Variants in NINJ2 observed in about 807,000 individuals in gnomAD.
The protein encoded by NINJ2 is ninjurin 2, also known as ninjurin-2.
NINJ2 carries 12 observed loss-of-function variants against 11.7 expected under a neutral mutation model. That is an observed-to-expected ratio of 1.02 (90% CI 0.66 to 1.66). The LOEUF (loss-of-function observed/expected upper bound fraction) is 1.66, where lower values mean the gene tolerates loss of function less well. NINJ2 is among the 40% of genes most tolerant of loss of function. The pLI is 0.00. For synonymous variants in NINJ2, 93 were observed against 76.8 expected, an observed-to-expected ratio of 1.21 and a Z score of -1.10; for missense variants, 187 against 181.8, an observed-to-expected ratio of 1.03 and a Z score of -0.16.
intron 1 of NINJ2, among the ~76,000 whole-genome samples, chr12:566,825 A>G (rs747511833): frequency 6.6e-6 from 1 of 152,240 alleles, no homozygotes; most frequent in Non-Finnish European, 1.5e-5. Flanking sequence ...CATCATTTTA[A>G]TTATTACTTT....
chr12:598,421 C>T (rs1204807026), intron 1 of NINJ2, among the ~76,000 whole-genome samples: 2 of 152,176 alleles, frequency 1.3e-5, no homozygotes, highest in African/African-American at 2.4e-5. Context: ...GAGGGCTGCC[C>T]GAGCTTGCCC....
At chr12:610,364 G>GA (rs775947316) in intron 1 of NINJ2, 2 of 1,535,516 alleles carry the variant, frequency 1.3e-6, no homozygotes, top group Non-Finnish European at 1.7e-6. Flanking sequence ...TCATGACTCA[G>GA]ATCCCATTTG....
At chr12:574,102 T>A (rs1947417501) in intron 1 of NINJ2, among the ~76,000 whole-genome samples, 2 of 151,990 alleles carry the variant, frequency 1.3e-5, no homozygotes, top group South Asian at 4.2e-4. Context: ...ATGCTTATAA[T>A]CCCAGCAACT....
At chr12:623,919 C>A (rs1948183433) in intron 1 of NINJ2, among the ~76,000 whole-genome samples, 1 of 152,082 alleles carries the variant, frequency 6.6e-6, no homozygotes, top group African/African-American at 2.4e-5. Context: ...GCCTGTAGTC[C>A]CAGCTGCTCA....
intron 1 of NINJ2, among the ~76,000 whole-genome samples, chr12:577,545 A>G (rs972323491): frequency 6.7e-6 from 1 of 150,008 alleles, no homozygotes; most frequent in African/African-American, 2.5e-5. Flanking sequence ...GTCCCATTCT[A>G]CAAGTGAAGA....
chr12:599,750 G>T (rs757606316), intron 1 of NINJ2, among the ~76,000 whole-genome samples: 1 of 152,182 alleles, frequency 6.6e-6, no homozygotes. Context: ...CCAGCCCCAC[G>T]ACTGCGCTTG....
chr12:566,836 T>C (rs1451624813), intron 1 of NINJ2, among the ~76,000 whole-genome samples: 1 of 152,270 alleles, frequency 6.6e-6, no homozygotes, highest in Non-Finnish European at 1.5e-5. Flanking sequence ...TTATTACTTT[T>C]GGCTAGGATT....
chr12:625,535 G>A (rs1246610138), intron 1 of NINJ2, among the ~76,000 whole-genome samples: 2 of 151,366 alleles, frequency 1.3e-5, no homozygotes, highest in African/African-American at 4.9e-5. Context: ...AAAGCATTGG[G>A]TAGGGGTATT....
At chr12:609,015 C>A (rs1269474427) in intron 1 of NINJ2, among the ~76,000 whole-genome samples, 1 of 151,970 alleles carries the variant, frequency 6.6e-6, no homozygotes, top group Non-Finnish European at 1.5e-5. Context: ...TACACGGCGC[C>A]ACGCTAGGGG....
intron 1 of NINJ2, among the ~76,000 whole-genome samples, chr12:625,227 A>G (rs879297166): frequency 2.6e-5 from 4 of 152,124 alleles, no homozygotes; most frequent in Non-Finnish European, 4.4e-5. Context: ...GGAGAGACAA[A>G]GATGAGGAAA....
chr12:596,364 G>C (rs1565628633), intron 1 of NINJ2, among the ~76,000 whole-genome samples: 1 of 152,152 alleles, frequency 6.6e-6, no homozygotes, highest in Non-Finnish European at 1.5e-5. Flanking sequence ...GTAAACGATA[G>C]ATGTTGCGTG....
intron 1 of NINJ2, among the ~76,000 whole-genome samples, chr12:611,267 TTCTTTC>T (rs1378023090): frequency 4.3e-5 from 5 of 115,630 alleles, no homozygotes; most frequent in African/African-American, 7.0e-5. Flanking sequence ...CTTTCTTTCT[TTCTTTC>T]TCTCTCTCTT....
At chr12:599,489 T>A (rs1947836396) in intron 1 of NINJ2, among the ~76,000 whole-genome samples, 1 of 151,890 alleles carries the variant, frequency 6.6e-6, no homozygotes, top group South Asian at 2.1e-4. Flanking sequence ...AGGGTGAGTG[T>A]CCTAGCTACA....
At chr12:643,089 C>T (rs1271327421) in intron 1 of NINJ2, 1 of 153,766 alleles carries the variant, frequency 6.5e-6, no homozygotes, top group Non-Finnish European at 1.5e-5. Context: ...CAGGAACCTT[C>T]ACCTCCCGAG....
Position 642,419 on chromosome 12 carries a change from CG to C in NINJ2, c.33+20908del, listed in dbSNP as rs533741062. 2.6e-4 allele frequency among the ~76,000 whole-genome samples: 39 copies of C among 152,234 alleles called. No individual in the cohort carries two copies. In the South Asian group the frequency reaches 3.7e-3, roughly 15 times the overall value. On this transcript the variant is annotated intron_variant, in intron 1 of 3. Coordinates refer to ENST00000305108, the MANE Select transcript of NINJ2 (RefSeq NM_016533.6). ...CTAATTTTTGTATTTTTAGTAGAGA[CG>C]GGGTTTCGCCATGCTGGCCAGGATG...
At chr12:611,144 A>C in intron 1 of NINJ2, among the ~76,000 whole-genome samples, 1 of 151,754 alleles carries the variant, frequency 6.6e-6, no homozygotes, top group East Asian at 1.9e-4. Flanking sequence ...AGGCACATCA[A>C]CCCCAGGCCT....
At chr12:644,203 T>G (rs1470375242) in intron 1 of NINJ2, 1 of 153,598 alleles carries the variant, frequency 6.5e-6, no homozygotes, top group East Asian at 1.9e-4. Context: ...TAACAGACAT[T>G]GTTCTCAGTG....
In NINJ2 at chr12:639,141, G is replaced by A. The variant is rs561741319; in HGVS notation, c.33+24187C>T. ...TTCCTTCCTCCTACTACCCCTAGTCGCAGACATTTGTTACAATCTCGTGTG... is the reference window on the plus strand; with the variant it reads ...TTCCTTCCTCCTACTACCCCTAGTCACAGACATTTGTTACAATCTCGTGTG... On this transcript the variant is annotated intron_variant, in intron 1 of 3. Transcript: ENST00000305108. Among the ~76,000 whole-genome samples, 12 of 151,960 alleles carry A rather than the reference G, an allele frequency of 7.9e-5. No homozygotes were observed. The South Asian group carries it at 1.7e-3, about 21-fold the overall frequency.
chr12:565,889 G>A (rs1175965061), intron 2 of NINJ2, 61 bp downstream of exon 2: 6 of 1,455,734 alleles, frequency 4.1e-6, no homozygotes, highest in Admixed American at 1.7e-5. Flanking sequence ...GGACACGTGG[G>A]GCCTTTCTGC....
Sources: allele counts gnomAD v4.1 joint callset (sites outside exome capture counted in the v4.1 genomes callset), GRCh38; gene constraint gnomAD v4.1.1; transcripts MANE v1.5; gene names NCBI Gene and HGNC (gene_info 2026-07-23, HGNC 2026-07-21).